TMEM18: variants seen among roughly 807,000 people sequenced by gnomAD.
The protein encoded by TMEM18 is transmembrane protein 18.
TMEM18 carries 14 observed loss-of-function variants against 17.4 expected under a neutral mutation model. The ratio of observed to expected loss-of-function variants is 0.80; its 90% CI spans 0.53 to 1.25. TMEM18 has a LOEUF of 1.25. Among genes scored for constraint, TMEM18 ranks in the 50% most tolerant of loss-of-function variants. TMEM18 has a pLI of 0.00. For synonymous variants in TMEM18, 86 were observed against 66.1 expected, an observed-to-expected ratio of 1.30 and a Z score of -1.46; for missense variants, 187 against 172.1, an observed-to-expected ratio of 1.09 and a Z score of -0.48.
intron 3 of TMEM18, 81 bp from the exon 4 acceptor site, chr2:669,931 T>C: frequency 1.7e-6 from 2 of 1,151,514 alleles, no homozygotes; most frequent in South Asian, 2.8e-5. Flanking sequence ...AGATAAGACT[T>C]TGGAGAGAGC....
Position 669,940 on chromosome 2 carries a change from G to C in TMEM18, c.234-90C>G, listed in dbSNP as rs77087765. The C allele has an allele frequency of 1.2e-3, 1,237 of 1,053,064 alleles. 8 individuals are homozygous for C. Among genetic ancestry groups the C allele is most frequent in the African/African-American group, 9.0e-3 (567 of 62,674 alleles). The allele number at this position is 1,053,064 out of a possible 1,614,324, so 65.2% of individuals were successfully genotyped here. A position where few individuals can be genotyped will look rare whatever the true frequency, so the allele number is the denominator to read the frequency against. On this transcript the variant is annotated intron_variant, in intron 3 of 4. Transcript: ENST00000281017. ...CTATTTAGATAAGACTTTGGAGAGA[G>C]CTGATGTGGACTGAGGTGGGAGCAA... is the stretch of plus-strand genomic sequence containing the variant.
chr2:670,957 G>T (rs1678829977), intron 3 of TMEM18: 1 of 152,340 alleles, frequency 6.6e-6, no homozygotes, highest in Non-Finnish European at 1.5e-5. Context: ...CGGCGAGGGT[G>T]GGGTGAAGGG....
rs577546592 is a variant in TMEM18 at position 669,287 on chromosome 2, A to C, written c.*293T>G. The C allele has an allele frequency of 4.0e-4, 164 of 407,434 alleles. No homozygotes were observed. Among genetic ancestry groups the C allele is most frequent in the African/African-American group, 3.0e-3 (150 of 50,248 alleles). 25.2% of individuals were successfully genotyped at this position (407,434 alleles called of 1,614,324 possible). A position where few individuals can be genotyped will look rare whatever the true frequency, so the allele number is the denominator to read the frequency against. ...TATTTATAATTAGTACTAGTTACAC[A>C]TATGACATGGACTTCTTCAAATCAA... is the stretch of plus-strand genomic sequence containing the variant. On this transcript the variant is annotated 3_prime_UTR_variant, in exon 5 of 5. Coordinates refer to ENST00000281017, the MANE Select transcript of TMEM18 (RefSeq NM_152834.4).
At chr2:671,805 C>G (rs112819923) in intron 3 of TMEM18, among the ~76,000 whole-genome samples, 1,234 of 107,064 alleles carry the variant, frequency 0.012, 97 homozygotes, top group African/African-American at 0.053. Flanking sequence ...ATGTGAAGGC[C>G]CTGCATCCGG....
intron 2 of TMEM18, among the ~76,000 whole-genome samples, chr2:673,744 G>A: frequency 7.0e-6 from 1 of 142,174 alleles, no homozygotes; most frequent in Non-Finnish European, 1.5e-5. Flanking sequence ...GGAGGAGGAG[G>A]AGGAGGAGGG....
chr2:674,386 C>G (rs1049540640), intron 2 of TMEM18, among the ~76,000 whole-genome samples: 1 of 152,196 alleles, frequency 6.6e-6, no homozygotes. Flanking sequence ...ACCTTTTGCC[C>G]CTGGGTTCCC....
Position 677,347 on chromosome 2 carries a change from G to C in TMEM18, c.-2C>G, listed in dbSNP as rs1449038670. Reference sequence around the variant, plus strand: ...GCTGACAGAGAAGGCGGACGGCATGGTGTTGGGAAGCCCGCTCTCACAGCA... The same window carrying C: ...GCTGACAGAGAAGGCGGACGGCATGCTGTTGGGAAGCCCGCTCTCACAGCA... On this transcript the variant is annotated 5_prime_UTR_variant, in exon 1 of 5. Coordinates refer to ENST00000281017, the MANE Select transcript of TMEM18 (RefSeq NM_152834.4). The C allele has an allele frequency of 6.2e-6, 10 of 1,611,632 alleles. No homozygotes were observed. Among genetic ancestry groups the C allele is most frequent in the Non-Finnish European group, 8.5e-6 (10 of 1,179,662 alleles).
At chr2:674,550 GT>G (rs1678944668) in intron 2 of TMEM18, among the ~76,000 whole-genome samples, 2 of 152,312 alleles carry the variant, frequency 1.3e-5, no homozygotes, top group South Asian at 4.1e-4. Context: ...AAGGAGCCCT[GT>G]CTGCCTGGTC....
rs944392167 is a variant in TMEM18 at position 665,318 on chromosome 2, C to T, written c.*4262G>A. On this transcript the variant is annotated 3_prime_UTR_variant, in exon 5 of 5. Coordinates refer to ENST00000281017, the MANE Select transcript of TMEM18 (RefSeq NM_152834.4). ...AGAATCAACCCCACATAAAATAGAA[C>T]CCAGAGATGCAGATGCACCACTCAC... Among the ~76,000 whole-genome samples the T allele has an allele frequency of 1.3e-5, 2 of 151,756 alleles. No homozygotes were observed. The highest frequency in any genetic ancestry group is 4.9e-5 in the African/African-American group (2 of 41,224).
chr2:676,193 G>A (rs150134494), intron 1 of TMEM18: 2 of 1,359,116 alleles, frequency 1.5e-6, no homozygotes, highest in South Asian at 2.5e-5. Context: ...TCTCCAGACA[G>A]TGCCGCACTC....
rs963889695 is a variant in TMEM18, at chr2:666,743, C to A, written c.*2837G>T. Among the ~76,000 whole-genome samples the A allele has an allele frequency of 1.3e-5, 2 of 152,132 alleles. No homozygotes were observed. The highest frequency in any genetic ancestry group is 2.9e-5 in the Non-Finnish European group (2 of 68,020). ...CTCTGCATGTGGAGCCCAGCCCCGT[C>A]CTCCCCAGGACCGACTTGCTGGTGT... On this transcript the variant is annotated 3_prime_UTR_variant, in exon 5 of 5. Transcript: ENST00000281017.
Position 669,501 on chromosome 2 carries a change from C to A in TMEM18, c.*79G>T. 1 of 1,392,456 alleles carries A rather than the reference C, an allele frequency of 7.2e-7. No homozygotes were observed. The highest frequency in any genetic ancestry group is 1.0e-6 in the Non-Finnish European group (1 of 996,768). The allele number at this position is 1,392,456 out of a possible 1,614,324, so 86.3% of individuals were successfully genotyped here. A position where few individuals can be genotyped will look rare whatever the true frequency, so the allele number is the denominator to read the frequency against. ...AAACCATGAGTCAGCTGGAAGGATGCCCACGCCACGCACACTGCAGCACTG... is the reference window on the plus strand; with the variant it reads ...AAACCATGAGTCAGCTGGAAGGATGACCACGCCACGCACACTGCAGCACTG... On this transcript the variant is annotated 3_prime_UTR_variant, in exon 5 of 5. Transcript: ENST00000281017.
At position 664,625 on chromosome 2, in the gene TMEM18, C is replaced by A. The variant is rs1678629860; in HGVS notation, c.*4955G>T. Among the ~76,000 whole-genome samples the A allele has an allele frequency of 6.6e-6, 1 of 152,154 alleles. No individual in the cohort carries two copies. Among genetic ancestry groups the A allele is most frequent in the South Asian group, 2.1e-4 (1 of 4,826 alleles). On this transcript the variant is annotated 3_prime_UTR_variant, in exon 5 of 5. Transcript: ENST00000281017. ...AAAAGTTTCTTTTTTTACGTTGCTA[C>A]TTAGTGCAGACAAGGATTTCAGGAA...
chr2:664,318 A>C lies in TMEM18; in HGVS notation c.*5262T>G, dbSNP rs1485219811. Among the ~76,000 whole-genome samples the C allele has an allele frequency of 6.6e-6, 1 of 152,262 alleles. No homozygotes were observed. The highest frequency in any genetic ancestry group is 2.4e-5 in the African/African-American group (1 of 41,472). The stretch of plus-strand genomic sequence containing the variant: ...CTTCACAGTTCCTGATGATACATAA[A>C]GCAAAAAACTGTTTGACTTTCTAAA... On this transcript the variant is annotated 3_prime_UTR_variant, in exon 5 of 5. Coordinates refer to ENST00000281017, the MANE Select transcript of TMEM18 (RefSeq NM_152834.4).
rs1426649692 is a variant in TMEM18 at position 675,495 on chromosome 2, T to C, written c.178+15A>G. The C allele has an allele frequency of 1.2e-6, 2 of 1,614,048 alleles. No homozygotes were observed. The highest frequency in any genetic ancestry group is 1.7e-6 in the Non-Finnish European group (2 of 1,180,018). On this transcript the variant is annotated intron_variant, in intron 2 of 4. Transcript: ENST00000281017. The stretch of plus-strand genomic sequence containing the variant: ...ACAGTGATCTGAGTTGTGGAGTTTG[T>C]GTTGTTTTACTCACCTAGACACAGA...
At position 665,950 on chromosome 2, in the gene TMEM18, A is replaced by G. The variant is rs1360213793; in HGVS notation, c.*3630T>C. The stretch of plus-strand genomic sequence containing the variant: ...GATGGAGTGTTAACCCCACGCACAC[A>G]AAACCCAGAGATGCGGATGCCCAGC... On this transcript the variant is annotated 3_prime_UTR_variant, in exon 5 of 5. Transcript: ENST00000281017. 6.6e-6 allele frequency among the ~76,000 whole-genome samples: 1 copy of G among 151,864 alleles called. No homozygotes were observed. The highest frequency in any genetic ancestry group is 6.6e-5 in the Admixed American group (1 of 15,258).
Position 664,030 on chromosome 2 carries a change from G to C in TMEM18, c.*5550C>G, listed in dbSNP as rs1024752808. 7.9e-5 allele frequency among the ~76,000 whole-genome samples: 12 copies of C among 152,174 alleles called. No individual in the cohort carries two copies. Among genetic ancestry groups the C allele is most frequent in the African/African-American group, 2.9e-4 (12 of 41,442 alleles). On this transcript the variant is annotated 3_prime_UTR_variant, in exon 5 of 5. Transcript: ENST00000281017. Reference sequence around the variant, plus strand: ...TTTTTACCTGGATGCTTGAGCAAAAGGATATTCGGTTTGGAGGCTAGAGAA... The same window carrying C: ...TTTTTACCTGGATGCTTGAGCAAAACGATATTCGGTTTGGAGGCTAGAGAA...
chr2:669,649 A>G lies in TMEM18; in HGVS notation c.354T>C (p.Asn118=). The change falls in exon 5 of 5, where the codon AAT becomes AAC. Residue 118 remains asparagine (N), a synonymous_variant. Coordinates refer to ENST00000281017, the MANE Select transcript of TMEM18 (RefSeq NM_152834.4). ...IVVMWVWKTL[N]VMTDLKNAQE... is the part of the protein sequence containing the mutation. ...GTGCATTCTTCAGGTCAGTCATCACATTCAAAGTCTTCCATACCCACATAA... is the reference window on the plus strand; with the variant it reads ...GTGCATTCTTCAGGTCAGTCATCACGTTCAAAGTCTTCCATACCCACATAA... 1.2e-6 allele frequency: 2 copies of G among 1,614,126 alleles called. No individual in the cohort carries two copies. Among genetic ancestry groups the G allele is most frequent in the Non-Finnish European group, 1.7e-6 (2 of 1,180,024 alleles).
rs928245509 is a variant in TMEM18, at chr2:665,228, C to A, written c.*4352G>T. 5.9e-5 allele frequency among the ~76,000 whole-genome samples: 8 copies of A among 135,400 alleles called. No individual in the cohort carries two copies. Among genetic ancestry groups the A allele is most frequent in the East Asian group, 2.3e-4 (1 of 4,292 alleles). 88.8% of individuals were successfully genotyped at this position (135,400 alleles called of 152,430 possible). ...AGAGATGCAGATGCCCCACTCACTC[C>A]GATAGAGAATCAACCCCATATACAA... On this transcript the variant is annotated 3_prime_UTR_variant, in exon 5 of 5. Coordinates refer to ENST00000281017, the MANE Select transcript of TMEM18 (RefSeq NM_152834.4).
Sources: gnomAD v4.1 joint callset for allele counts (sites outside exome capture counted in the v4.1 genomes callset) on GRCh38, gnomAD v4.1.1 for gene constraint, MANE v1.5 for transcripts, NCBI Gene and HGNC (gene_info 2026-07-23, HGNC 2026-07-21) for gene names.